YTHDC2: variants seen among roughly 807,000 people sequenced by gnomAD.
The protein encoded by YTHDC2 is 3'-5' RNA helicase YTHDC2.
Under a neutral mutation model 174.9 loss-of-function variants are expected in YTHDC2, and 45 were observed. That is an observed-to-expected ratio of 0.26 (90% CI 0.20 to 0.33). The LOEUF (loss-of-function observed/expected upper bound fraction) is 0.33, where lower values mean the gene tolerates loss of function less well. YTHDC2 is among the 10% of genes least tolerant of loss of function. The probability of loss-of-function intolerance (pLI) is 1.00; values close to 1 mark genes in which losing one functional copy is unlikely to be tolerated. For missense variants in YTHDC2, 1,650 were observed against 1,723.7 expected (o/e 0.96, Z 0.76); for synonymous variants, 657 against 574.5 (o/e 1.14, Z -2.05).
At position 113,584,538 on chromosome 5, in the gene YTHDC2, GGTAAATAAAATTGTAAAACAATTAGA is replaced by G. The variant is rs1464649667; in HGVS notation, c.3825+63_3825+88del. On this transcript the variant is annotated intron_variant, in intron 26 of 29. Transcript: ENST00000161863. The stretch of plus-strand genomic sequence containing the variant: ...CAGATTTGTAGCACATGTAATCCTA[GGTAAATAAAATTGTAAAACAATTAGA>G]GTACTTTTCTAATTGTGGCCTCTTC... 11 of 1,351,916 alleles carry G rather than the reference GGTAAATAAAATTGTAAAACAATTAGA, an allele frequency of 8.1e-6. No individual in the cohort carries two copies. In the East Asian group the frequency reaches 1.4e-4, roughly 18 times the overall value. The allele number at this position is 1,351,916 out of a possible 1,614,324, so 83.7% of individuals were successfully genotyped here. A position where few individuals can be genotyped will look rare whatever the true frequency, so the allele number is the denominator to read the frequency against.
intron 26 of YTHDC2, among the ~76,000 whole-genome samples, chr5:113,590,668 T>G (rs1778958959): frequency 6.6e-6 from 1 of 152,214 alleles, no homozygotes; most frequent in African/African-American, 2.4e-5. Context: ...ATGAGACCAC[T>G]GGACTCTGTT....
At chr5:113,547,732 T>C (rs187893870) in intron 10 of YTHDC2, among the ~76,000 whole-genome samples, 63 of 152,334 alleles carry the variant, frequency 4.1e-4, no homozygotes, top group Admixed American at 3.3e-3. Flanking sequence ...CACTGATGTA[T>C]ATTGATAATG....
At chr5:113,518,194 T>G (rs11741698) in intron 2 of YTHDC2, among the ~76,000 whole-genome samples, 24 of 129,410 alleles carry the variant, frequency 1.9e-4, no homozygotes, top group African/African-American at 8.4e-4. Flanking sequence ...GGCGTTTTTT[T>G]GTTTTTTTTT....
At chr5:113,553,553 A>G (rs1776405884) in intron 13 of YTHDC2, 37 bp from the exon 14 acceptor site, 2 of 1,595,822 alleles carry the variant, frequency 1.3e-6, no homozygotes, top group Non-Finnish European at 8.6e-7. Context: ...TCTGATTCAC[A>G]ATGAGATTTA....
At chr5:113,566,366 T>C (rs1053937008) in intron 21 of YTHDC2, among the ~76,000 whole-genome samples, 4 of 151,786 alleles carry the variant, frequency 2.6e-5, no homozygotes, top group Admixed American at 6.6e-5. Flanking sequence ...TTCTGTGAAA[T>C]AGAAATTTTA....
intron 8 of YTHDC2, among the ~76,000 whole-genome samples, chr5:113,539,741 T>C (rs1290454053): frequency 6.6e-6 from 1 of 152,214 alleles, no homozygotes; most frequent in Non-Finnish European, 1.5e-5. Flanking sequence ...CTTCAAGCTT[T>C]GATACCTTGT....
At chr5:113,554,733 C>T (rs1019566724) in intron 16 of YTHDC2, among the ~76,000 whole-genome samples, 1 of 137,982 alleles carries the variant, frequency 7.2e-6, no homozygotes, top group African/African-American at 3.1e-5. Context: ...AAACAGCCAA[C>T]CTTTGTTATA....
intron 2 of YTHDC2, 70 bp from the exon 3 acceptor site, chr5:113,524,911 A>G (rs1561625659): frequency 2.7e-6 from 3 of 1,116,562 alleles, no homozygotes; most frequent in South Asian, 3.6e-5. Flanking sequence ...CATATTTTCT[A>G]AGTGGGCATA....
chr5:113,526,847 A>T (rs1353366675), intron 4 of YTHDC2, 62 bp downstream of exon 4: 3 of 369,252 alleles, frequency 8.1e-6, no homozygotes, highest in African/African-American at 2.3e-5. Flanking sequence ...ATATATATAT[A>T]TAGTCCCATA....
chr5:113,542,976 A>T (rs563606011), intron 10 of YTHDC2, among the ~76,000 whole-genome samples: 66 of 152,010 alleles, frequency 4.3e-4, no homozygotes, highest in Non-Finnish European at 8.2e-4. Context: ...CCTGGCTCTA[A>T]CTTCTTGGTT....
At chr5:113,569,724 C>A (rs1777589662) in intron 23 of YTHDC2, among the ~76,000 whole-genome samples, 1 of 152,106 alleles carries the variant, frequency 6.6e-6, no homozygotes, top group Non-Finnish European at 1.5e-5. Flanking sequence ...TATACCAGTA[C>A]CATGCTGTCT....
In YTHDC2 at chr5:113,563,890, T is replaced by C. The variant is rs1777169802; in HGVS notation, c.2474T>C (p.Leu825Pro). Residue 825 changes from leucine (L) to proline (P), a missense_variant, in exon 20 of 30, where the codon CTG becomes CCG. This residue lies in a region of YTHDC2 where 913 missense variants were observed against 940.4 expected (regional missense o/e 0.97). Transcript: ENST00000161863. ...TIDAMDTWED[L>P]TELGYHLADL... ...GATGCAATGGATACATGGGAAGATC[T>C]GACTGAACTTGGGTATCATTTGGCT... The C allele has an allele frequency of 6.2e-7, 1 of 1,614,100 alleles. No individual in the cohort carries two copies. Among genetic ancestry groups the C allele is most frequent in the Admixed American group, 1.7e-5 (1 of 60,008 alleles).
intron 4 of YTHDC2, among the ~76,000 whole-genome samples, chr5:113,531,084 C>A (rs1199810357): frequency 6.6e-6 from 1 of 152,152 alleles, no homozygotes; most frequent in Non-Finnish European, 1.5e-5. Flanking sequence ...GGGTTTTCCC[C>A]CCACTCTGGC....
chr5:113,540,892 A>G (rs1775410004), intron 8 of YTHDC2, 76 bp from the exon 9 acceptor site: 1 of 1,411,898 alleles, frequency 7.1e-7, no homozygotes, highest in Non-Finnish European at 9.6e-7. Context: ...GATTCCCATA[A>G]TTTATTTAAA....
chr5:113,567,087 T>C lies in YTHDC2; in HGVS notation c.2843-5T>C. On this transcript the variant is annotated splice_region_variant and splice_polypyrimidine_tract_variant and intron_variant, in intron 21 of 29. Transcript: ENST00000161863. ...AAAAATTGGTGTGGTTTTTTTCCCC[T>C]CTAGGTTTTGTTAGAGCACGAGGTG... is the stretch of plus-strand genomic sequence containing the variant. 2 of 1,611,248 alleles carry C rather than the reference T, an allele frequency of 1.2e-6. No homozygotes were observed. The highest frequency in any genetic ancestry group is 1.7e-6 in the Non-Finnish European group (2 of 1,179,014).
At chr5:113,539,621 A>G (rs1775311953) in intron 8 of YTHDC2, among the ~76,000 whole-genome samples, 2 of 152,224 alleles carry the variant, frequency 1.3e-5, no homozygotes, top group South Asian at 4.1e-4. Context: ...TGAATTTAGC[A>G]TTATTTTCCT....
intron 26 of YTHDC2, among the ~76,000 whole-genome samples, chr5:113,584,808 A>G (rs1009673565): frequency 1.3e-5 from 1 of 78,818 alleles, no homozygotes; most frequent in African/African-American, 5.7e-5. Flanking sequence ...GTGGGGTCCC[A>G]CTCTTTTACC....
intron 10 of YTHDC2, among the ~76,000 whole-genome samples, chr5:113,546,283 C>G (rs982755505): frequency 4.6e-5 from 7 of 152,140 alleles, no homozygotes; most frequent in African/African-American, 1.7e-4. Flanking sequence ...TTAGTGAATA[C>G]TAGACTGTTA....
At chr5:113,533,189 G>A in intron 5 of YTHDC2, 144 bp downstream of exon 5, 1 of 861,174 alleles carries the variant, frequency 1.2e-6, no homozygotes, top group Non-Finnish European at 1.7e-6. Context: ...TTAAAGTCAT[G>A]TCTAAATCTA....
Sources: allele counts gnomAD v4.1 joint callset (sites outside exome capture counted in the v4.1 genomes callset), GRCh38; gene constraint gnomAD v4.1.1; regional missense constraint gnomAD v4.1.1; transcripts MANE v1.5; gene names NCBI Gene and HGNC (gene_info 2026-07-23, HGNC 2026-07-21).